The following SKIC3 variants were observed in gnomAD, a reference collection of about 807,000 sequenced individuals.
The protein encoded by SKIC3 is SKI3 subunit of superkiller complex.
At chr5:95,513,653 A>G in the SKIC3 span, 2 of 1,613,384 alleles carry the variant, frequency 1.2e-6, no homozygotes, top group Non-Finnish European at 1.7e-6. Flanking sequence ...AGCCTATAAA[A>G]GGAAAAAAAC....
chr5:95,480,355 C>T, the SKIC3 span, among the ~76,000 whole-genome samples: 1 of 151,822 alleles, frequency 6.6e-6, no homozygotes, highest in East Asian at 1.9e-4. Context: ...ATAATAAATT[C>T]CAATAATTTA....
At chr5:95,497,406 G>A in the SKIC3 span, 142 of 1,608,324 alleles carry the variant, frequency 8.8e-5, 1 homozygote, top group Middle Eastern at 1.2e-3. Flanking sequence ...AATTTGAAAC[G>A]TTACTTTACC....
the SKIC3 span, chr5:95,530,175 GA>G: frequency 6.2e-7 from 1 of 1,613,546 alleles, no homozygotes; most frequent in South Asian, 1.1e-5. Context: ...ACCACTTTTT[GA>G]ATCCATTTCC....
At chr5:95,470,357 A>G in the SKIC3 span, among the ~76,000 whole-genome samples, 1 of 152,176 alleles carries the variant, frequency 6.6e-6, no homozygotes, top group African/African-American at 2.4e-5. Context: ...CTACAAAGAG[A>G]TTTAAGATCT....
At chr5:95,485,968 A>T in the SKIC3 span, among the ~76,000 whole-genome samples, 2 of 152,126 alleles carry the variant, frequency 1.3e-5, no homozygotes, top group African/African-American at 4.8e-5. Flanking sequence ...CAGGGAAAGG[A>T]TAGGAAAGAG....
At chr5:95,518,764 T>C in the SKIC3 span, among the ~76,000 whole-genome samples, 1 of 152,108 alleles carries the variant, frequency 6.6e-6, no homozygotes, top group Non-Finnish European at 1.5e-5. Flanking sequence ...AGTGCTGCAA[T>C]AAACATGAGG....
the SKIC3 span, chr5:95,517,034 A>G: frequency 3.1e-6 from 5 of 1,613,686 alleles, no homozygotes; most frequent in South Asian, 5.5e-5. Context: ...AGATGTAGAC[A>G]TCAGTTTTAA....
At chr5:95,470,741 A>T in the SKIC3 span, among the ~76,000 whole-genome samples, 1 of 151,852 alleles carries the variant, frequency 6.6e-6, no homozygotes, top group African/African-American at 2.4e-5. Context: ...TATGGCTAAG[A>T]TATTAATGTA....
chr5:95,536,858 T>TGTA, the SKIC3 span: 1 of 1,613,712 alleles, frequency 6.2e-7, no homozygotes, highest in Non-Finnish European at 8.5e-7. Flanking sequence ...TAATGGATAC[T>TGTA]GTACAGTAGG....
the SKIC3 span, among the ~76,000 whole-genome samples, chr5:95,505,574 G>A: frequency 2.0e-5 from 3 of 152,112 alleles, no homozygotes; most frequent in African/African-American, 7.2e-5. Flanking sequence ...AGCACCTTGG[G>A]AGGCCAAGGC....
At chr5:95,532,522 C>T in the SKIC3 span, among the ~76,000 whole-genome samples, 1 of 152,086 alleles carries the variant, frequency 6.6e-6, no homozygotes, top group Non-Finnish European at 1.5e-5. Flanking sequence ...ATTTCAGCTT[C>T]AACTATCAAT....
At chr5:95,518,875 G>C in the SKIC3 span, among the ~76,000 whole-genome samples, 2 of 151,886 alleles carry the variant, frequency 1.3e-5, no homozygotes, top group African/African-American at 4.8e-5. Context: ...AGTTTTTTGA[G>C]AAAACTCCAT....
the SKIC3 span, among the ~76,000 whole-genome samples, chr5:95,499,922 T>C: frequency 2.3e-4 from 35 of 152,262 alleles, no homozygotes; most frequent in Admixed American, 2.2e-3. Flanking sequence ...TCCCAGTTAA[T>C]TTAAATAAAG....
chr5:95,516,350 T>A, the SKIC3 span: 45 of 1,612,818 alleles, frequency 2.8e-5, no homozygotes, highest in Non-Finnish European at 1.1e-5. Context: ...GCAACATATT[T>A]ACCTCAATGT....
chr5:95,479,770 C>G, the SKIC3 span, among the ~76,000 whole-genome samples: 7 of 151,252 alleles, frequency 4.6e-5, no homozygotes, highest in East Asian at 1.2e-3. Context: ...GGGACATCTC[C>G]CCCGCAGATA....
At chr5:95,513,318 C>T in the SKIC3 span, 1 of 436,030 alleles carries the variant, frequency 2.3e-6, no homozygotes, top group African/African-American at 2.0e-5. Context: ...ATCCTCCTGC[C>T]TCAGCCTCCT....
the SKIC3 span, chr5:95,497,623 T>G: frequency 6.0e-6 from 4 of 670,082 alleles, no homozygotes; most frequent in Non-Finnish European, 1.0e-5. Context: ...CATGTTTGGT[T>G]GAAAGTATTT....
the SKIC3 span, chr5:95,463,973 T>C: frequency 6.6e-6 from 1 of 152,250 alleles, no homozygotes; most frequent in Non-Finnish European, 1.5e-5. Flanking sequence ...TTAAATATTA[T>C]CAGCATTATT....
chr5:95,525,643 A>G, the SKIC3 span: 2 of 1,614,104 alleles, frequency 1.2e-6, no homozygotes, highest in African/African-American at 2.7e-5. Context: ...TTGAGAACCA[A>G]AAGTCCTGGG....
Sources: allele counts gnomAD v4.1 joint callset (sites outside exome capture counted in the v4.1 genomes callset), GRCh38; gene constraint gnomAD v4.1.1; transcripts MANE v1.5; gene names NCBI Gene and HGNC (gene_info 2026-07-23, HGNC 2026-07-21).